Variants in RIBC2 observed in about 807,000 individuals in gnomAD.
RIBC2 encodes RIB43A-like with coiled-coils protein 2.
Under a neutral mutation model 44.3 loss-of-function variants are expected in RIBC2, and 40 were observed. That is an observed-to-expected ratio of 0.90 (90% confidence interval 0.70 to 1.18). The LOEUF (loss-of-function observed/expected upper bound fraction) is 1.18, where lower values mean the gene tolerates loss of function less well. Ranked by LOEUF, RIBC2 falls within the 50% of genes most tolerant of loss-of-function variation. The probability of loss-of-function intolerance (pLI) is 0.00; values close to 1 mark genes in which losing one functional copy is unlikely to be tolerated. For missense variants in RIBC2, 459 were observed against 485.5 expected, an observed-to-expected ratio of 0.95 and a Z score of 0.51; for synonymous variants, 171 against 175.0, an observed-to-expected ratio of 0.98 and a Z score of 0.18.
At chr22:45,415,788 C>A (rs1178176237) in intron 2 of RIBC2, among the ~76,000 whole-genome samples, 1 of 152,202 alleles carries the variant, frequency 6.6e-6, no homozygotes, top group Non-Finnish European at 1.5e-5. Flanking sequence ...CAACCTCCGC[C>A]TCCTGGGTTC....
At chr22:45,426,275 C>T (rs190939599) in intron 5 of RIBC2, 100 bp downstream of exon 5, 178 of 1,041,328 alleles carry the variant, frequency 1.7e-4, no homozygotes, top group Non-Finnish European at 6.4e-5. Flanking sequence ...TTGTGCTCTG[C>T]CCTAGCACCT....
intron 5 of RIBC2, 79 bp downstream of exon 5, chr22:45,426,254 T>G: frequency 7.7e-7 from 1 of 1,293,132 alleles, no homozygotes; most frequent in Non-Finnish European, 1.1e-6. Context: ...CAAATGTAGT[T>G]GTAGCAGGCC....
At chr22:45,426,653 C>T (rs779192193) in intron 5 of RIBC2, among the ~76,000 whole-genome samples, 16 of 152,218 alleles carry the variant, frequency 1.1e-4, no homozygotes, top group East Asian at 3.9e-4. Context: ...GTGACGGAGA[C>T]GGGGAACTCT....
At chr22:45,419,214 CAT>C (rs1482938711) in intron 3 of RIBC2, among the ~76,000 whole-genome samples, 1 of 152,168 alleles carries the variant, frequency 6.6e-6, no homozygotes, top group Non-Finnish European at 1.5e-5. Flanking sequence ...AATCCAGACT[CAT>C]AAATTCATCT....
chr22:45,432,363 T>C lies in RIBC2; in HGVS notation c.*1T>C, dbSNP rs763875962. The C allele has an allele frequency of 3.8e-6, 6 of 1,581,714 alleles. No individual in the cohort carries two copies. The South Asian group carries it at 5.6e-5, about 15-fold the overall frequency. On this transcript the variant is annotated 3_prime_UTR_variant, in exon 7 of 7. Coordinates refer to ENST00000614167, the MANE Select transcript of RIBC2 (RefSeq NM_015653.5). ...ACAATTTAATACAGGAAGTCGATAA[T>C]GAGGAACACACCCTTGTTCCCGTCA...
chr22:45,419,275 A>C (rs977117284), intron 3 of RIBC2, among the ~76,000 whole-genome samples: 2 of 151,992 alleles, frequency 1.3e-5, no homozygotes, highest in Non-Finnish European at 2.9e-5. Flanking sequence ...CACGAGTCCA[A>C]TAACTCTGTT....
chr22:45,426,067 C>T lies in RIBC2; in HGVS notation c.795C>T (p.Ala265=). ...DLLSENPQQA[A]SSFGPHRVVP... ...TCTCCGAGAACCCGCAGCAGGCAGC[C>T]AGCTCCTTCGGGCCCCACCGCGTGG... The change falls in exon 5 of 7, where the codon GCC becomes GCT. Residue 265 remains alanine, a synonymous_variant. Coordinates refer to ENST00000614167, the MANE Select transcript of RIBC2 (RefSeq NM_015653.5). 1 of 1,614,078 alleles carries T rather than the reference C, an allele frequency of 6.2e-7. No homozygotes were observed. Among genetic ancestry groups the T allele is most frequent in the Non-Finnish European group, 8.5e-7 (1 of 1,180,032 alleles).
chr22:45,418,104 G>A (rs1270855296), intron 3 of RIBC2, 158 bp downstream of exon 3: 6 of 568,628 alleles, frequency 1.1e-5, no homozygotes, highest in Non-Finnish European at 1.8e-5. Flanking sequence ...AATGTGCACA[G>A]ACAGCCACAT....
At chr22:45,418,377 G>C (rs1020440142) in intron 3 of RIBC2, 1 of 158,418 alleles carries the variant, frequency 6.3e-6, no homozygotes, top group Non-Finnish European at 1.4e-5. Flanking sequence ...TTGCAGGCAT[G>C]GTGGTCACAT....
In RIBC2 at chr22:45,414,327, C is replaced by T. The variant is rs933054606; in HGVS notation, c.135C>T (p.Asp45=). The T allele has an allele frequency of 1.1e-5, 17 of 1,550,082 alleles. No individual in the cohort carries two copies. The Admixed American group carries it at 3.4e-4, about 31-fold the overall frequency. The change falls in exon 2 of 7, where the codon GAC becomes GAT. Residue 45 remains aspartate, a synonymous_variant. Coordinates refer to ENST00000614167, the MANE Select transcript of RIBC2 (RefSeq NM_015653.5). ...CTCTGTTTTTCCATTTATAGGGAGA[C>T]ACTGAAGCCTGGGATGTTCAAGTTC... ...FNARNRIIGG[D]TEAWDVQVHD...
At chr22:45,418,628 C>A (rs1165800775) in intron 3 of RIBC2, among the ~76,000 whole-genome samples, 2 of 152,172 alleles carry the variant, frequency 1.3e-5, no homozygotes, top group Admixed American at 1.3e-4. Flanking sequence ...TGGGGTGTGT[C>A]AGCGGGTGAT....
chr22:45,427,357 G>T (rs1046100841), intron 5 of RIBC2, among the ~76,000 whole-genome samples: 5 of 152,218 alleles, frequency 3.3e-5, no homozygotes, highest in African/African-American at 1.2e-4. Flanking sequence ...AGGAGGAATG[G>T]AGAACACTCT....
rs947123655 is a variant in RIBC2, at chr22:45,413,846, TCTC to T, written c.-38_-36del. ...CAGCTTCCTTATTTTCGTCGCCTGT[TCTC>T]CTGATCCTGCGTGTTCTAAAAACCC... On this transcript the variant is annotated 5_prime_UTR_variant, in exon 1 of 7. Coordinates refer to ENST00000614167, the MANE Select transcript of RIBC2 (RefSeq NM_015653.5). 54 of 1,512,466 alleles carry T rather than the reference TCTC, an allele frequency of 3.6e-5. No individual in the cohort carries two copies. In the African/African-American group the frequency reaches 6.7e-4, roughly 19 times the overall value. 93.7% of individuals were successfully genotyped at this position (1,512,466 alleles called of 1,614,324 possible). A position where few individuals can be genotyped will look rare whatever the true frequency, so the allele number is the denominator to read the frequency against.
intron 5 of RIBC2, among the ~76,000 whole-genome samples, chr22:45,428,111 A>C (rs572422114): frequency 3.3e-5 from 5 of 152,322 alleles, no homozygotes; most frequent in African/African-American, 1.2e-4. Flanking sequence ...TTGGGAGGGA[A>C]GGAGAGGGGA....
intron 5 of RIBC2, among the ~76,000 whole-genome samples, chr22:45,430,180 C>T (rs998389122): frequency 6.6e-6 from 1 of 152,234 alleles, no homozygotes; most frequent in Non-Finnish European, 1.5e-5. Context: ...ACCCCCGTGC[C>T]ACTCACCGGA....
chr22:45,425,845 C>A, intron 4 of RIBC2, 103 bp from the exon 5 acceptor site: 1 of 970,770 alleles, frequency 1.0e-6, no homozygotes, highest in Non-Finnish European at 1.6e-6. Flanking sequence ...CTGCCCTTAG[C>A]ATATCCTCCC....
chr22:45,426,534 C>T (rs1473108035), intron 5 of RIBC2, among the ~76,000 whole-genome samples: 1 of 152,198 alleles, frequency 6.6e-6, no homozygotes, highest in Admixed American at 6.5e-5. Context: ...CAGAGAAGGG[C>T]GTGGAGCCTG....
chr22:45,417,993 A>G (rs752218342), intron 3 of RIBC2, 47 bp downstream of exon 3: 1 of 1,318,712 alleles, frequency 7.6e-7, no homozygotes, highest in African/African-American at 1.6e-5. Context: ...CTCTTCAACA[A>G]ACCAACCCTA....
intron 4 of RIBC2, among the ~76,000 whole-genome samples, chr22:45,424,439 G>A (rs766108067): frequency 2.0e-5 from 3 of 152,222 alleles, no homozygotes; most frequent in Non-Finnish European, 4.4e-5. Context: ...CACCCACTGC[G>A]TCCATTTGAT....
Sources: gnomAD v4.1 joint callset for allele counts (sites outside exome capture counted in the v4.1 genomes callset) on GRCh38, gnomAD v4.1.1 for gene constraint, MANE v1.5 for transcripts, NCBI Gene and HGNC (gene_info 2026-07-23, HGNC 2026-07-21) for gene names.